ZNF33B: variants seen among roughly 807,000 people sequenced by gnomAD.
ZNF33B encodes the protein zinc finger protein 11b (KOX 2).
In ZNF33B, 29 loss-of-function variants were observed where a neutral mutation model predicts 45.8. That is an observed-to-expected ratio of 0.63 (90% CI 0.47 to 0.86). The LOEUF (loss-of-function observed/expected upper bound fraction) is 0.86, where lower values mean the gene tolerates loss of function less well. ZNF33B is among the 40% of genes least tolerant of loss of function. The probability of loss-of-function intolerance (pLI) is 0.00; values close to 1 mark genes in which losing one functional copy is unlikely to be tolerated. For missense variants in ZNF33B, 831 were observed against 909.9 expected, an observed-to-expected ratio of 0.91 and a Z score of 1.12; for synonymous variants, 305 against 307.8, an observed-to-expected ratio of 0.99 and a Z score of 0.10.
At chr10:42,598,909 T>C (rs2473112) in intron 4 of ZNF33B, among the ~76,000 whole-genome samples, 42,478 of 152,098 alleles carry the variant, frequency 0.28, 7,253 homozygotes, top group Non-Finnish European at 0.39. Flanking sequence ...CAAAGAATGA[T>C]TTAGGAAGTA....
In ZNF33B at chr10:42,575,740, T is replaced by A. The variant is rs141387145; in HGVS notation, c.74-1062A>T. ...TATATATATATATACATATATATTT[T>A]TTTTTTTTGAGACAGAGTCTCACTG... On this transcript the variant is annotated intron_variant, in intron 1 of 1. Transcript: ENST00000462075. Among the ~76,000 whole-genome samples, 2,804 of 147,478 alleles carry A rather than the reference T, an allele frequency of 0.019. 143 individuals are homozygous for A. In the East Asian group the frequency reaches 0.19, roughly 10 times the overall value.
At chr10:42,628,478 A>C (rs191861755) in intron 4 of ZNF33B, among the ~76,000 whole-genome samples, 1 of 152,308 alleles carries the variant, frequency 6.6e-6, no homozygotes, top group African/African-American at 2.4e-5. Flanking sequence ...TTCTCTTTTC[A>C]ACTCAATCAG....
At chr10:42,612,046 A>C (rs1564514005) in intron 4 of ZNF33B, among the ~76,000 whole-genome samples, 1 of 151,936 alleles carries the variant, frequency 6.6e-6, no homozygotes, top group Non-Finnish European at 1.5e-5. Context: ...CCAGTGTCTC[A>C]CCACTAAGTA....
At chr10:42,581,047 T>A (rs1217835020) in intron 1 of ZNF33B, among the ~76,000 whole-genome samples, 1 of 151,984 alleles carries the variant, frequency 6.6e-6, no homozygotes, top group East Asian at 1.9e-4. Flanking sequence ...AAGCCTACGG[T>A]CAGGGTTTTA....
intron 4 of ZNF33B, chr10:42,614,369 A>C (rs1838226733): frequency 6.5e-6 from 1 of 153,542 alleles, no homozygotes; most frequent in African/African-American, 2.4e-5. Flanking sequence ...CTAAAGAGAC[A>C]TAACAACTAA....
chr10:42,588,859 G>T (rs963781129), downstream of ZNF33B, among the ~76,000 whole-genome samples: 1 of 152,164 alleles, frequency 6.6e-6, no homozygotes, highest in African/African-American at 2.4e-5. Flanking sequence ...TGTCTGCTAA[G>T]GTACCTCACC....
chr10:42,591,531 G>T lies in ZNF33B; in HGVS notation c.*1082C>A. On this transcript the variant is annotated 3_prime_UTR_variant, in exon 5 of 5. Coordinates refer to ENST00000359467, the MANE Select transcript of ZNF33B (RefSeq NM_006955.3). ...GTTTCAGGACACGACAAACACCTGG[G>T]ATGGGCCTGATGAAGTAACCACTAC... 1 of 384,548 alleles carries T rather than the reference G, an allele frequency of 2.6e-6. No homozygotes were observed. The highest frequency in any genetic ancestry group is 3.6e-6 in the Non-Finnish European group (1 of 280,822). The allele number at this position is 384,548 out of a possible 1,614,324, so 23.8% of individuals were successfully genotyped here. A position where few individuals can be genotyped will look rare whatever the true frequency, so the allele number is the denominator to read the frequency against.
intron 2 of ZNF33B, among the ~76,000 whole-genome samples, chr10:42,636,587 C>A (rs1334095446): frequency 6.6e-6 from 1 of 152,138 alleles, no homozygotes; most frequent in Non-Finnish European, 1.5e-5. Flanking sequence ...TTTGGGAGGC[C>A]GAGGCGGGCG....
At chr10:42,604,869 T>C (rs1466896638) in intron 4 of ZNF33B, among the ~76,000 whole-genome samples, 3 of 150,504 alleles carry the variant, frequency 2.0e-5, no homozygotes, top group African/African-American at 7.4e-5. Flanking sequence ...TGCAGCGAGA[T>C]GAGATAGTGC....
At chr10:42,633,970 CAAA>C (rs35796832) in intron 2 of ZNF33B, among the ~76,000 whole-genome samples, 3 of 141,662 alleles carry the variant, frequency 2.1e-5, no homozygotes, top group Non-Finnish European at 3.1e-5. Context: ...AACTCCATCT[CAAA>C]AAAAAAAAAA....
At chr10:42,632,504 A>G (rs1345884771) in intron 2 of ZNF33B, 65 bp from the exon 3 acceptor site, 2 of 1,556,696 alleles carry the variant, frequency 1.3e-6, no homozygotes, top group African/African-American at 2.8e-5. Flanking sequence ...CATGATTATT[A>G]TTCACAGAAT....
chr10:42,618,572 T>C (rs1405838405), intron 4 of ZNF33B, among the ~76,000 whole-genome samples: 3 of 152,216 alleles, frequency 2.0e-5, no homozygotes, highest in Admixed American at 6.5e-5. Flanking sequence ...TCAGTTTCTC[T>C]AAATCTTCAC....
intron 2 of ZNF33B, among the ~76,000 whole-genome samples, chr10:42,633,894 G>A (rs915279978): frequency 5.3e-5 from 8 of 151,398 alleles, no homozygotes; most frequent in African/African-American, 1.9e-4. Context: ...CCTTTAACCT[G>A]GGAGGCAGAC....
chr10:42,584,976 G>A (rs1380818751), downstream of ZNF33B, among the ~76,000 whole-genome samples: 1 of 152,200 alleles, frequency 6.6e-6, no homozygotes, highest in African/African-American at 2.4e-5. Flanking sequence ...AGGGCTTCGG[G>A]TTTAGGAGGG....
intron 4 of ZNF33B, among the ~76,000 whole-genome samples, chr10:42,626,641 T>C (rs143390752): frequency 0.051 from 7,806 of 151,588 alleles, 243 homozygotes; most frequent in Non-Finnish European, 0.074. Context: ...TGAGCCGAGA[T>C]TGCACCACTG....
In ZNF33B at chr10:42,602,857, G is replaced by A. The variant is rs572655849; in HGVS notation, c.251-8158C>T. Among the ~76,000 whole-genome samples, 8 of 129,192 alleles carry A rather than the reference G, an allele frequency of 6.2e-5. 1 individual carries two copies. The East Asian group carries it at 8.8e-4, about 14-fold the overall frequency. The allele number at this position is 129,192 out of a possible 152,430, so 84.8% of individuals were successfully genotyped here. A position where few individuals can be genotyped will look rare whatever the true frequency, so the allele number is the denominator to read the frequency against. On this transcript the variant is annotated intron_variant, in intron 4 of 4. Transcript: ENST00000359467. ...ATTTCACTCATTTCCTCATATACAT[G>A]AGCTGATTAGTACTTTGCTGAACAT... is the stretch of plus-strand genomic sequence containing the variant.
downstream of ZNF33B, among the ~76,000 whole-genome samples, chr10:42,586,979 C>A (rs986256127): frequency 6.8e-6 from 1 of 146,002 alleles, no homozygotes; most frequent in African/African-American, 2.7e-5. Context: ...GTCTCGGCTT[C>A]CAAGGCAGCC....
chr10:42,602,547 A>C (rs1198358770), intron 4 of ZNF33B, among the ~76,000 whole-genome samples: 1 of 152,174 alleles, frequency 6.6e-6, no homozygotes, highest in Non-Finnish European at 1.5e-5. Flanking sequence ...GATGCTGGGT[A>C]CTTTTGGCTT....
chr10:42,635,782 C>G (rs942150424), intron 2 of ZNF33B, among the ~76,000 whole-genome samples: 2 of 149,114 alleles, frequency 1.3e-5, no homozygotes, highest in African/African-American at 5.0e-5. Flanking sequence ...TGTGCTACAG[C>G]CTGGCGACAG....
Sources: gnomAD v4.1 joint callset for allele counts (sites outside exome capture counted in the v4.1 genomes callset) on GRCh38, gnomAD v4.1.1 for gene constraint, MANE v1.5 for transcripts, NCBI Gene and HGNC (gene_info 2026-07-23, HGNC 2026-07-21) for gene names.